Variants in STXBP5L observed in about 807,000 individuals in gnomAD.
STXBP5L encodes the protein syntaxin binding protein 5L, also known as syntaxin-binding protein 5-like.
STXBP5L carries 65 observed loss-of-function variants against 144.5 expected under a neutral mutation model. That is an observed-to-expected ratio of 0.45 (90% CI 0.37 to 0.55). STXBP5L has a LOEUF of 0.55. STXBP5L is among the 20% of genes least tolerant of loss of function. The pLI, the probability that STXBP5L is intolerant of heterozygous loss-of-function variation, is 0.00. For synonymous variants in STXBP5L, 505 were observed against 469.6 expected (o/e 1.08, Z -0.97); for missense variants, 1,298 against 1,405.5 (o/e 0.92, Z 1.22).
At position 121,101,597 on chromosome 3, in the gene STXBP5L, C is replaced by G. The variant is rs145090172; in HGVS notation, c.471-13328C>G. Among the ~76,000 whole-genome samples, 353 of 152,104 alleles carry G rather than the reference C, an allele frequency of 2.3e-3. 2 individuals are homozygous for G. The highest frequency in any genetic ancestry group is 7.9e-3 in the African/African-American group (328 of 41,508). ...AATATATACCATAGAATGGTAAGAG[C>G]TATTTATGATAAACACATAGCCAAT... On this transcript the variant is annotated intron_variant, in intron 5 of 26. Transcript: ENST00000471454.
chr3:121,058,817 G>A, intron 5 of STXBP5L, among the ~76,000 whole-genome samples: 1 of 149,134 alleles, frequency 6.7e-6, no homozygotes, highest in Middle Eastern at 3.4e-3. Context: ...ACTTTTTGAT[G>A]GGGTTGTTTT....
intron 3 of STXBP5L, among the ~76,000 whole-genome samples, chr3:121,009,148 G>A (rs1202277056): frequency 6.6e-6 from 1 of 151,924 alleles, no homozygotes; most frequent in East Asian, 1.9e-4. Flanking sequence ...GGTGGCTGAG[G>A]ACAGACAATG....
At chr3:121,211,698 C>T (rs1216717105) in intron 10 of STXBP5L, among the ~76,000 whole-genome samples, 6 of 151,144 alleles carry the variant, frequency 4.0e-5, no homozygotes, top group Admixed American at 1.3e-4. Flanking sequence ...CCTGCCCCAG[C>T]GTCCTGAGTA....
chr3:121,242,856 T>C (rs1295774180), intron 14 of STXBP5L, among the ~76,000 whole-genome samples: 2 of 152,144 alleles, frequency 1.3e-5, no homozygotes, highest in African/African-American at 2.4e-5. Flanking sequence ...CTAGACTTTG[T>C]TCTCCACAGG....
chr3:120,980,736 C>G (rs1041093853), intron 3 of STXBP5L, among the ~76,000 whole-genome samples: 2 of 151,972 alleles, frequency 1.3e-5, no homozygotes, highest in Non-Finnish European at 2.9e-5. Flanking sequence ...GTTTTTGTCC[C>G]TGTCATAATG....
chr3:121,098,649 G>T (rs939815082), intron 5 of STXBP5L, among the ~76,000 whole-genome samples: 3 of 152,156 alleles, frequency 2.0e-5, no homozygotes, highest in African/African-American at 7.2e-5. Context: ...GCTCAGCTGT[G>T]GAATGGAATG....
chr3:121,388,128 A>G (rs986363483), intron 22 of STXBP5L, among the ~76,000 whole-genome samples: 1 of 152,104 alleles, frequency 6.6e-6, no homozygotes, highest in Non-Finnish European at 1.5e-5. Flanking sequence ...ATCCCTTGTA[A>G]GTTGGATTCC....
intron 3 of STXBP5L, among the ~76,000 whole-genome samples, chr3:121,001,118 G>C (rs1943739566): frequency 6.6e-6 from 1 of 152,228 alleles, no homozygotes; most frequent in South Asian, 2.1e-4. Context: ...GCATGTGCTG[G>C]GAGTGGCAGG....
chr3:121,241,310 T>G (rs187026087), intron 14 of STXBP5L, among the ~76,000 whole-genome samples: 1 of 151,898 alleles, frequency 6.6e-6, no homozygotes, highest in African/African-American at 2.4e-5. Flanking sequence ...AAAGTGGCAG[T>G]GTATCAAGAC....
At chr3:121,231,680 T>C (rs1009418375) in intron 11 of STXBP5L, among the ~76,000 whole-genome samples, 6 of 152,178 alleles carry the variant, frequency 3.9e-5, no homozygotes, top group Admixed American at 3.9e-4. Flanking sequence ...GTGGTACTTA[T>C]GGAGATTCCT....
At chr3:121,083,589 G>A (rs929296642) in intron 5 of STXBP5L, among the ~76,000 whole-genome samples, 3 of 152,060 alleles carry the variant, frequency 2.0e-5, no homozygotes, top group African/African-American at 7.2e-5. Flanking sequence ...CTTGAACCTG[G>A]GAGGCAGATG....
At chr3:121,031,529 T>A (rs954906916) in intron 3 of STXBP5L, among the ~76,000 whole-genome samples, 3 of 152,072 alleles carry the variant, frequency 2.0e-5, no homozygotes, top group Non-Finnish European at 4.4e-5. Context: ...GATGTTGCTG[T>A]CTTACATCTA....
chr3:120,924,261 T>C (rs1475847144), intron 2 of STXBP5L, among the ~76,000 whole-genome samples: 1 of 152,092 alleles, frequency 6.6e-6, no homozygotes, highest in Non-Finnish European at 1.5e-5. Flanking sequence ...CCCAAAGAAA[T>C]TAGAGCAAAA....
Position 121,071,812 on chromosome 3 carries a change from C to T in STXBP5L, c.470+26277C>T, listed in dbSNP as rs958977228. Among the ~76,000 whole-genome samples, 9 of 152,290 alleles carry T rather than the reference C, an allele frequency of 5.9e-5. No homozygotes were observed. The South Asian group carries it at 6.2e-4, about 11-fold the overall frequency. On this transcript the variant is annotated intron_variant, in intron 5 of 26. Transcript: ENST00000471454. ...TCTTAAGGTTAATTCCCCAGATTCT[C>T]TTAAATCACCTTTTATCTGAGTTAT...
At chr3:120,980,537 G>T in intron 3 of STXBP5L, among the ~76,000 whole-genome samples, 1 of 149,860 alleles carries the variant, frequency 6.7e-6, no homozygotes, top group Non-Finnish European at 1.5e-5. Flanking sequence ...CTCATTTTTG[G>T]TTTCCATTTG....
intron 19 of STXBP5L, among the ~76,000 whole-genome samples, chr3:121,317,745 C>T (rs1276093506): frequency 1.3e-5 from 2 of 151,876 alleles, no homozygotes; most frequent in African/African-American, 4.8e-5. Context: ...TCTGTTGTGT[C>T]TATTGTTGCA....
At chr3:121,105,679 G>T (rs904112546) in intron 5 of STXBP5L, among the ~76,000 whole-genome samples, 38 of 151,726 alleles carry the variant, frequency 2.5e-4, no homozygotes, top group Admixed American at 1.6e-3. Context: ...TTAAAAAAAA[G>T]CTGTTAGAAT....
chr3:121,303,579 G>A lies in STXBP5L; in HGVS notation c.2111-14896G>A, dbSNP rs934943018. 1.1e-4 allele frequency among the ~76,000 whole-genome samples: 17 copies of A among 152,188 alleles called. No homozygotes were observed. The East Asian group carries it at 2.5e-3, about 22-fold the overall frequency. ...TGCTGCTATAAAGACACATGCACAC[G>A]TATGTTTACTGCAGCACTATTCACA... On this transcript the variant is annotated intron_variant, in intron 19 of 26. Transcript: ENST00000471454.
At chr3:121,084,338 A>C (rs1377060401) in intron 5 of STXBP5L, among the ~76,000 whole-genome samples, 2 of 152,092 alleles carry the variant, frequency 1.3e-5, no homozygotes, top group South Asian at 2.1e-4. Context: ...TGCATTAGCT[A>C]TTTATCCTGA....
Sources: gnomAD v4.1 joint callset for allele counts (sites outside exome capture counted in the v4.1 genomes callset) on GRCh38, gnomAD v4.1.1 for gene constraint, MANE v1.5 for transcripts, NCBI Gene and HGNC (gene_info 2026-07-23, HGNC 2026-07-21) for gene names.